Variants in WAC observed in about 807,000 individuals in gnomAD.
WAC encodes WW domain-containing adapter protein with coiled-coil.
WAC carries 11 observed loss-of-function variants against 79.6 expected under a neutral mutation model. That is an observed-to-expected ratio of 0.14 (90% confidence interval 0.09 to 0.23). The LOEUF (loss-of-function observed/expected upper bound fraction) is 0.23. WAC is among the 10% of genes least tolerant of loss of function. The pLI, the probability that WAC is intolerant of heterozygous loss-of-function variation, is 1.00. For missense variants in WAC, 728 were observed against 773.5 expected, an observed-to-expected ratio of 0.94 and a Z score of 0.70; for synonymous variants, 304 against 276.9, an observed-to-expected ratio of 1.10 and a Z score of -0.97.
At chr10:28,610,229 C>CT in intron 8 of WAC, among the ~76,000 whole-genome samples, 1 of 152,190 alleles carries the variant, frequency 6.6e-6, no homozygotes. Flanking sequence ...CCGGCCAATA[C>CT]TCCCTTTTTT....
At chr10:28,560,053 A>G (rs1421498916) in intron 3 of WAC, among the ~76,000 whole-genome samples, 2 of 152,204 alleles carry the variant, frequency 1.3e-5, no homozygotes, top group East Asian at 3.8e-4. Context: ...TTAAGAACGA[A>G]GAATAAGGCC....
chr10:28,612,655 A>G (rs1841296199), intron 10 of WAC, among the ~76,000 whole-genome samples: 1 of 151,862 alleles, frequency 6.6e-6, no homozygotes, highest in Admixed American at 6.6e-5. Flanking sequence ...GCATTGAAAT[A>G]TAACTTGAAA....
intron 3 of WAC, chr10:28,538,112 C>T (rs1298202167): frequency 1.3e-5 from 2 of 157,906 alleles, no homozygotes; most frequent in Middle Eastern, 1.7e-3. Context: ...GATATTCTCT[C>T]TTCAAAAAAC....
chr10:28,533,864 T>G, intron 1 of WAC, 134 bp from the exon 2 acceptor site: 1 of 1,172,792 alleles, frequency 8.5e-7, no homozygotes, highest in Non-Finnish European at 1.2e-6. Flanking sequence ...TTGTGCCGTG[T>G]GCGTGCGGGG....
chr10:28,540,528 A>G (rs1458967537), intron 3 of WAC, among the ~76,000 whole-genome samples: 1 of 152,242 alleles, frequency 6.6e-6, no homozygotes, highest in East Asian at 1.9e-4. Flanking sequence ...ATTTTCAAAA[A>G]TAAGTTTTGA....
At chr10:28,592,676 T>C (rs1180346684) in intron 6 of WAC, among the ~76,000 whole-genome samples, 1 of 152,120 alleles carries the variant, frequency 6.6e-6, no homozygotes, top group African/African-American at 2.4e-5. Flanking sequence ...TAAAAATAAC[T>C]TTTTAACTTG....
chr10:28,612,095 A>AG (rs1007399243), intron 10 of WAC, among the ~76,000 whole-genome samples, 173 bp downstream of exon 10: 1 of 152,182 alleles, frequency 6.6e-6, no homozygotes, highest in East Asian at 1.9e-4. Context: ...TGAGGGATAG[A>AG]GGGGGGCTTT....
rs1357268751 is a variant in WAC, at chr10:28,622,559, TTTA to T, written c.*2956_*2958del. On this transcript the variant is annotated 3_prime_UTR_variant, in exon 14 of 14. Coordinates refer to ENST00000354911, the MANE Select transcript of WAC (RefSeq NM_016628.5). ...CTGAAGAACCAGCTTTCCTACGCTTTTTATTTTTCTAACTTGTCTAACCTGATT... is the reference window on the plus strand; with the variant it reads ...CTGAAGAACCAGCTTTCCTACGCTTTTTTTTCTAACTTGTCTAACCTGATT... The T allele has an allele frequency of 6.6e-6, 1 of 151,868 alleles. No individual in the cohort carries two copies. The highest frequency in any genetic ancestry group is 1.9e-4 in the East Asian group (1 of 5,174). The allele number at this position is 151,868 out of a possible 1,614,324, so 9.4% of individuals were successfully genotyped here.
In WAC at chr10:28,560,534, A is replaced by T. The variant is rs192607139; in HGVS notation, c.275-22865A>T. ...AGATTCTGGTTTAGACACCAAACAG[A>T]TGTTGAGTAGGCAAATAAGTAGGTA... is the stretch of plus-strand genomic sequence containing the variant. On this transcript the variant is annotated intron_variant, in intron 3 of 13. Transcript: ENST00000354911. 4.9e-4 allele frequency among the ~76,000 whole-genome samples: 74 copies of T among 152,318 alleles called. No individual in the cohort carries two copies. The East Asian group carries it at 0.013, about 26-fold the overall frequency.
In WAC at chr10:28,610,306, G is replaced by A. The variant is rs575168298; in HGVS notation, c.1166-393G>A. On this transcript the variant is annotated intron_variant, in intron 8 of 13. Coordinates refer to ENST00000354911, the MANE Select transcript of WAC (RefSeq NM_016628.5). ...ATTTGAATGGCCAGCTTGTCTAAAA[G>A]GGCAATCACATGAAATAGCAGTTGT... Among the ~76,000 whole-genome samples, 53 of 152,068 alleles carry A rather than the reference G, an allele frequency of 3.5e-4. No individual in the cohort carries two copies. In the East Asian group the frequency reaches 6.8e-3, roughly 19 times the overall value.
chr10:28,610,658 C>G (rs952015183), intron 8 of WAC, 41 bp from the exon 9 acceptor site: 4 of 1,561,860 alleles, frequency 2.6e-6, no homozygotes, highest in Non-Finnish European at 2.6e-6. Context: ...CCACATAAGC[C>G]TCTTGTTTTT....
chr10:28,592,147 TAAAG>T (rs1840125166), intron 6 of WAC, among the ~76,000 whole-genome samples: 1 of 152,322 alleles, frequency 6.6e-6, no homozygotes, highest in East Asian at 1.9e-4. Flanking sequence ...GTTGGCATAT[TAAAG>T]AACATTGAAT....
chr10:28,532,943 G>A (rs1388874174), upstream of WAC: 1 of 153,166 alleles, frequency 6.5e-6, no homozygotes, highest in African/African-American at 2.4e-5. Context: ...AAGAAGGAAA[G>A]GGCAGACTGG....
intron 7 of WAC, among the ~76,000 whole-genome samples, chr10:28,596,677 G>A (rs1207333065): frequency 6.6e-6 from 1 of 152,154 alleles, no homozygotes; most frequent in Non-Finnish European, 1.5e-5. Context: ...GATAAAATTT[G>A]CATAGACCAT....
chr10:28,575,715 A>C (rs1839205409), intron 3 of WAC, among the ~76,000 whole-genome samples: 1 of 152,232 alleles, frequency 6.6e-6, no homozygotes, highest in African/African-American at 2.4e-5. Flanking sequence ...TGGTAGAATT[A>C]GGTAAAAGTC....
chr10:28,597,688 A>G (rs1326022240), intron 7 of WAC, among the ~76,000 whole-genome samples: 1 of 152,120 alleles, frequency 6.6e-6, no homozygotes, highest in Non-Finnish European at 1.5e-5. Flanking sequence ...AACTCTTAGT[A>G]TTTGTTACGT....
At chr10:28,589,000 T>A (rs990128844) in intron 4 of WAC, 6 of 152,226 alleles carry the variant, frequency 3.9e-5, no homozygotes, top group African/African-American at 1.4e-4. Context: ...ACTTAACTAA[T>A]CTTTGTGAGA....
chr10:28,592,545 C>T (rs1355703441), intron 6 of WAC, among the ~76,000 whole-genome samples: 1 of 152,070 alleles, frequency 6.6e-6, no homozygotes, highest in East Asian at 1.9e-4. Flanking sequence ...CGCTTGAACC[C>T]AGGAGGTGGA....
intron 3 of WAC, among the ~76,000 whole-genome samples, chr10:28,549,191 A>G (rs1210524736): frequency 6.6e-6 from 1 of 152,098 alleles, no homozygotes; most frequent in Non-Finnish European, 1.5e-5. Context: ...GAGCCACCAC[A>G]TCCAGACAAG....
Sources: allele counts gnomAD v4.1 joint callset (sites outside exome capture counted in the v4.1 genomes callset), GRCh38; gene constraint gnomAD v4.1.1; transcripts MANE v1.5; gene names NCBI Gene and HGNC (gene_info 2026-07-23, HGNC 2026-07-21).